Variants in G3BP2 observed in about 807,000 individuals in gnomAD.
G3BP2 encodes G3BP stress granule assembly factor 2, also known as ras GTPase-activating protein-binding protein 2.
Under a neutral mutation model 56.7 loss-of-function variants are expected in G3BP2, and 11 were observed. The ratio of observed to expected loss-of-function variants is 0.19; its 90% CI spans 0.12 to 0.32. G3BP2 has a LOEUF of 0.32. G3BP2 is among the 10% of genes least tolerant of loss of function. G3BP2 has a pLI of 1.00. For missense variants in G3BP2, 340 were observed against 610.9 expected, an observed-to-expected ratio of 0.56 and a Z score of 4.67; for synonymous variants, 165 against 191.6, an observed-to-expected ratio of 0.86 and a Z score of 1.15.
rs148191679 is a variant in G3BP2, at chr4:75,701,498, G to A, written c.-25+19379C>T. On this transcript the variant is annotated intron_variant, in intron 3 of 3. Coordinates refer to the G3BP2 transcript ENST00000499709. ...ACTGGAGGGCAATGGCACGGATCTT[G>A]GCTCGCAGCAACCTCCGCCTCCCAG... is the stretch of plus-strand genomic sequence containing the variant. Among the ~76,000 whole-genome samples the A allele has an allele frequency of 4.4e-3, 668 of 151,748 alleles. 3 individuals are homozygous for A. The highest frequency in any genetic ancestry group is 0.014 in the Middle Eastern group (4 of 294).
chr4:75,665,652 AACAAACACACACACACAC>A (rs1732975078), intron 1 of G3BP2, among the ~76,000 whole-genome samples: 15 of 61,102 alleles, frequency 2.5e-4, no homozygotes, highest in Admixed American at 7.4e-4. Flanking sequence ...CAAACACACA[AACAAACACACACACACAC>A]ACACACACAC....
At chr4:75,716,439 T>C (rs1038774515) in intron 3 of G3BP2, among the ~76,000 whole-genome samples, 1 of 152,104 alleles carries the variant, frequency 6.6e-6, no homozygotes, top group Non-Finnish European at 1.5e-5. Flanking sequence ...CCTCCCAAAG[T>C]GCTGGAATTA....
chr4:75,652,292 T>C (rs1040543376), intron 8 of G3BP2, among the ~76,000 whole-genome samples: 12 of 152,144 alleles, frequency 7.9e-5, no homozygotes, highest in Admixed American at 7.9e-4. Flanking sequence ...ACAGATAAGA[T>C]ACATGACTCT....
chr4:75,713,134 T>C (rs757180634), intron 3 of G3BP2, among the ~76,000 whole-genome samples: 3 of 152,230 alleles, frequency 2.0e-5, no homozygotes, highest in Non-Finnish European at 4.4e-5. Flanking sequence ...ACCTAGTTTT[T>C]ATCCTCCCTT....
intron 1 of G3BP2, chr4:75,672,947 T>G: frequency 1.1e-6 from 1 of 948,568 alleles, no homozygotes; most frequent in Non-Finnish European, 1.3e-6. Flanking sequence ...ACCCCACCTG[T>G]GCACTCGGAG....
chr4:75,708,494 T>G (rs1054499779), intron 3 of G3BP2, among the ~76,000 whole-genome samples: 2 of 152,176 alleles, frequency 1.3e-5, no homozygotes, highest in African/African-American at 4.8e-5. Flanking sequence ...AGCTGTAGAC[T>G]AGATAATAAT....
chr4:75,699,046 A>G (rs528026605), intron 3 of G3BP2, among the ~76,000 whole-genome samples: 2 of 151,118 alleles, frequency 1.3e-5, no homozygotes, highest in South Asian at 4.2e-4. Flanking sequence ...GTACCCACCT[A>G]CTCCTCTGTC....
chr4:75,691,120 C>T (rs1401782716), intron 3 of G3BP2, among the ~76,000 whole-genome samples: 1 of 151,630 alleles, frequency 6.6e-6, no homozygotes, highest in Non-Finnish European at 1.5e-5. Context: ...TGATCTGTCA[C>T]CCAAGCTGGA....
At chr4:75,684,486 T>A (rs1341185506) in intron 3 of G3BP2, among the ~76,000 whole-genome samples, 1 of 152,076 alleles carries the variant, frequency 6.6e-6, no homozygotes, top group Non-Finnish European at 1.5e-5. Flanking sequence ...CTGGATTTTT[T>A]AAAGTAAATG....
intron 8 of G3BP2, among the ~76,000 whole-genome samples, chr4:75,653,185 TACTTTTAAA>T (rs1291892941): frequency 2.0e-5 from 3 of 152,086 alleles, no homozygotes; most frequent in Non-Finnish European, 4.4e-5. Flanking sequence ...TAAAAATTAC[TACTTTTAAA>T]ACCTCAAAAT....
chr4:75,723,022 C>T (rs2149127261), intron 1 of G3BP2, among the ~76,000 whole-genome samples: 1 of 152,306 alleles, frequency 6.6e-6, no homozygotes, highest in South Asian at 2.1e-4. Context: ...ACACCATATA[C>T]AGTATCAATA....
intron 1 of G3BP2, among the ~76,000 whole-genome samples, chr4:75,666,531 G>C (rs1167575356): frequency 2.0e-5 from 3 of 152,164 alleles, no homozygotes; most frequent in South Asian, 4.1e-4. Context: ...AGAATTTAGA[G>C]AGCCAAAATA....
chr4:75,651,038 A>C lies in G3BP2; in HGVS notation c.826-2297T>G, dbSNP rs72871216. Among the ~76,000 whole-genome samples, 1,391 of 152,316 alleles carry C rather than the reference A, an allele frequency of 9.1e-3. 21 individuals are homozygous for C. Among genetic ancestry groups the C allele is most frequent in the African/African-American group, 0.032 (1,339 of 41,556 alleles). On this transcript the variant is annotated intron_variant, in intron 8 of 11. Transcript: ENST00000359707. ...AAGATACGTAAGTGACAGCCCTGAG[A>C]CCACCGCTATCTGTATTTGGGGTTT...
chr4:75,692,493 G>A (rs1162858902), intron 3 of G3BP2, among the ~76,000 whole-genome samples: 1 of 152,044 alleles, frequency 6.6e-6, no homozygotes, highest in Non-Finnish European at 1.5e-5. Context: ...TGTGTTTTTA[G>A]TAGAGACGCG....
At chr4:75,652,260 A>G (rs1187027897) in intron 8 of G3BP2, among the ~76,000 whole-genome samples, 2 of 152,202 alleles carry the variant, frequency 1.3e-5, no homozygotes, top group African/African-American at 4.8e-5. Context: ...GGCATGTCTT[A>G]AGAGTCCTCT....
chr4:75,680,757 GA>G (rs1401589349), intron 3 of G3BP2, among the ~76,000 whole-genome samples: 1 of 151,864 alleles, frequency 6.6e-6, no homozygotes, highest in Admixed American at 6.6e-5. Context: ...GCGAGGTCAA[GA>G]AATCAAGACC....
chr4:75,684,201 T>A (rs530015153), intron 3 of G3BP2, among the ~76,000 whole-genome samples: 2 of 152,022 alleles, frequency 1.3e-5, no homozygotes, highest in Non-Finnish European at 2.9e-5. Context: ...GTCAAGCGTT[T>A]GAGACCAGCC....
chr4:75,650,625 A>G (rs755158676), intron 8 of G3BP2, among the ~76,000 whole-genome samples: 27 of 152,156 alleles, frequency 1.8e-4, no homozygotes, highest in Admixed American at 7.9e-4. Context: ...CTAGAATTCT[A>G]CTAGTTATAA....
At chr4:75,702,102 C>T (rs1560419775) in intron 3 of G3BP2, among the ~76,000 whole-genome samples, 2 of 151,838 alleles carry the variant, frequency 1.3e-5, no homozygotes, top group South Asian at 4.1e-4. Flanking sequence ...TTCTAAAGGC[C>T]CTTTTAAATC....
Sources: allele counts gnomAD v4.1 joint callset (sites outside exome capture counted in the v4.1 genomes callset), GRCh38; gene constraint gnomAD v4.1.1; transcripts MANE v1.5; gene names NCBI Gene and HGNC (gene_info 2026-07-23, HGNC 2026-07-21).